The following STXBP5 variants were observed in gnomAD, a reference collection of about 807,000 sequenced individuals.
The protein encoded by STXBP5 is syntaxin binding protein 5, also known as syntaxin-binding protein 5.
A neutral mutation model predicts 152.4 loss-of-function variants in STXBP5; 50 were observed. The ratio of observed to expected loss-of-function variants is 0.33; its 90% CI spans 0.26 to 0.42. The LOEUF (loss-of-function observed/expected upper bound fraction) is 0.42, where lower values mean the gene tolerates loss of function less well. Among genes scored for constraint, STXBP5 ranks in the 10% least tolerant of loss-of-function variants. The pLI is 1.00. For missense variants in STXBP5, 1,167 were observed against 1,388.6 expected (o/e 0.84, Z 2.54); for synonymous variants, 492 against 494.7 (o/e 0.99, Z 0.07).
intron 9 of STXBP5, among the ~76,000 whole-genome samples, chr6:147,298,561 G>A (rs1781646877): frequency 6.6e-6 from 1 of 152,040 alleles, no homozygotes; most frequent in South Asian, 2.1e-4. Flanking sequence ...GAACATTCTT[G>A]AGGAGAGATC....
intron 25 of STXBP5, among the ~76,000 whole-genome samples, chr6:147,369,909 C>G (rs1321449092): frequency 6.6e-6 from 1 of 151,710 alleles, no homozygotes; most frequent in Non-Finnish European, 1.5e-5. Flanking sequence ...AACCAAAGAC[C>G]CAGCCACTTT....
At chr6:147,371,841 ATTC>A (rs1445123258) in intron 25 of STXBP5, among the ~76,000 whole-genome samples, 1 of 152,152 alleles carries the variant, frequency 6.6e-6, no homozygotes, top group African/African-American at 2.4e-5. Context: ...GGTATGTCAT[ATTC>A]TTCTTTTGAT....
At chr6:147,218,307 C>T (rs1236059502) in intron 2 of STXBP5, among the ~76,000 whole-genome samples, 1 of 152,122 alleles carries the variant, frequency 6.6e-6, no homozygotes, top group African/African-American at 2.4e-5. Context: ...AATATTCTCA[C>T]TCTGCAGAGT....
intron 26 of STXBP5, among the ~76,000 whole-genome samples, chr6:147,375,632 AAT>A (rs998106853): frequency 1.3e-5 from 2 of 150,576 alleles, no homozygotes; most frequent in Non-Finnish European, 3.0e-5. Flanking sequence ...TATAAATATA[AAT>A]ATATATATAA....
intron 2 of STXBP5, among the ~76,000 whole-genome samples, chr6:147,234,428 C>G (rs1453095718): frequency 1.3e-5 from 2 of 150,370 alleles, no homozygotes; most frequent in African/African-American, 4.9e-5. Context: ...AGTGTAGACT[C>G]TGGAGCCAGA....
Position 147,334,143 on chromosome 6 carries a change from T to TTTTTG in STXBP5, c.2081-7_2081-3dup. 1 of 1,611,242 alleles carries TTTTTG rather than the reference T, an allele frequency of 6.2e-7. No homozygotes were observed. Among genetic ancestry groups the TTTTTG allele is most frequent in the Non-Finnish European group, 8.5e-7 (1 of 1,179,072 alleles). ...AATGTATGGGTTGATTTGTTTTTTG[T>TTTTTG]TTTTGTTTTGTAGCCGGTCTGTGTG... On this transcript the variant is annotated splice_polypyrimidine_tract_variant and intron_variant, in intron 18 of 27. Transcript: ENST00000321680.
intron 25 of STXBP5, among the ~76,000 whole-genome samples, chr6:147,365,979 A>G (rs908246885): frequency 2.0e-5 from 3 of 152,212 alleles, no homozygotes; most frequent in African/African-American, 7.2e-5. Context: ...GACATCTGGC[A>G]ATGAAGGAAA....
At position 147,256,595 on chromosome 6, in the gene STXBP5, A is replaced by G. The variant is rs116106296; in HGVS notation, c.432-4020A>G. On this transcript the variant is annotated intron_variant, in intron 4 of 27. Transcript: ENST00000321680. ...GGGAGGAAGCTATTAGAGTCTTTCAAGTAGATAATGTGAACTTTCTTGGCT... is the reference window on the plus strand; with the variant it reads ...GGGAGGAAGCTATTAGAGTCTTTCAGGTAGATAATGTGAACTTTCTTGGCT... Among the ~76,000 whole-genome samples, 1,077 of 152,282 alleles carry G rather than the reference A, an allele frequency of 7.1e-3. 12 individuals carry two copies. Among genetic ancestry groups the G allele is most frequent in the African/African-American group, 0.025 (1,035 of 41,564 alleles).
chr6:147,290,208 C>G (rs1781209295), intron 8 of STXBP5, among the ~76,000 whole-genome samples: 1 of 149,740 alleles, frequency 6.7e-6, no homozygotes, highest in Non-Finnish European at 1.5e-5. Context: ...GACCTTGTCT[C>G]AAAAAAAAGA....
At chr6:147,339,495 G>A (rs1220933236) in intron 21 of STXBP5, 111 bp downstream of exon 21, 1 of 796,582 alleles carries the variant, frequency 1.3e-6, no homozygotes, top group Non-Finnish European at 1.8e-6. Flanking sequence ...TTGTTCCTAT[G>A]CTAAAAAAAT....
chr6:147,238,169 T>C (rs1195229900), intron 3 of STXBP5, among the ~76,000 whole-genome samples: 1 of 152,198 alleles, frequency 6.6e-6, no homozygotes, highest in African/African-American at 2.4e-5. Context: ...ATTTAACTTT[T>C]GATTCTGGAG....
intron 4 of STXBP5, among the ~76,000 whole-genome samples, chr6:147,248,792 C>T (rs1270799339): frequency 6.6e-6 from 1 of 152,102 alleles, no homozygotes; most frequent in Admixed American, 6.5e-5. Context: ...TATTTCAGTT[C>T]CCAAATTAGT....
intron 21 of STXBP5, among the ~76,000 whole-genome samples, chr6:147,342,277 T>C (rs1784127176): frequency 6.6e-6 from 1 of 152,158 alleles, no homozygotes; most frequent in African/African-American, 2.4e-5. Context: ...CCTCAAAGAC[T>C]AGACTCAAAG....
rs536897768 is a variant in STXBP5 at position 147,377,366 on chromosome 6, C to T, written c.3193+3524C>T. Among the ~76,000 whole-genome samples the T allele has an allele frequency of 1.3e-5, 2 of 152,162 alleles. 1 individual carries two copies. The highest frequency in any genetic ancestry group is 1.3e-4 in the Admixed American group (2 of 15,270). ...AAAACATGAAAATGAGTGAACTCAGCATTCATCTCAAAAAGTTAGAAAAAC... is the reference window on the plus strand; with the variant it reads ...AAAACATGAAAATGAGTGAACTCAGTATTCATCTCAAAAAGTTAGAAAAAC... On this transcript the variant is annotated intron_variant, in intron 26 of 27. Transcript: ENST00000321680.
At chr6:147,321,420 C>T (rs1782928607) in intron 16 of STXBP5, among the ~76,000 whole-genome samples, 1 of 151,988 alleles carries the variant, frequency 6.6e-6, no homozygotes, top group Non-Finnish European at 1.5e-5. Context: ...GATACCATCT[C>T]TACAATAAAG....
Position 147,260,606 on chromosome 6 carries a change from C to T in STXBP5, c.432-9C>T, listed in dbSNP as rs575719965. 6.2e-7 allele frequency: 1 copy of T among 1,613,308 alleles called. No homozygotes were observed. Among genetic ancestry groups the T allele is most frequent in the Admixed American group, 1.7e-5 (1 of 59,926 alleles). ...AAATTTCTTTTTTGAGTATATTTTTCTCTTGCAGGGTTACATTTTGCCATC... is the reference window on the plus strand; with the variant it reads ...AAATTTCTTTTTTGAGTATATTTTTTTCTTGCAGGGTTACATTTTGCCATC... On this transcript the variant is annotated splice_polypyrimidine_tract_variant and intron_variant, in intron 4 of 27. Coordinates refer to ENST00000321680, the MANE Select transcript of STXBP5 (RefSeq NM_001127715.4).
intron 4 of STXBP5, among the ~76,000 whole-genome samples, chr6:147,259,083 T>G (rs1401447712): frequency 6.6e-6 from 1 of 152,132 alleles, no homozygotes; most frequent in Admixed American, 6.5e-5. Flanking sequence ...TGGTGGTGCT[T>G]TGTACAAATA....
intron 24 of STXBP5, 30 bp from the exon 25 acceptor site, chr6:147,363,971 T>G (rs1038847328): frequency 1.2e-6 from 2 of 1,604,466 alleles, no homozygotes; most frequent in African/African-American, 2.7e-5. Flanking sequence ...CCTACCTTAT[T>G]ATTAACAAGT....
At chr6:147,233,579 G>A (rs1420838731) in intron 2 of STXBP5, among the ~76,000 whole-genome samples, 3 of 151,730 alleles carry the variant, frequency 2.0e-5, no homozygotes, top group Non-Finnish European at 4.4e-5. Flanking sequence ...TGACATTCAT[G>A]TAAAATGGGA....
Sources: gnomAD v4.1 joint callset for allele counts (sites outside exome capture counted in the v4.1 genomes callset) on GRCh38, gnomAD v4.1.1 for gene constraint, MANE v1.5 for transcripts, NCBI Gene and HGNC (gene_info 2026-07-23, HGNC 2026-07-21) for gene names.